Variants in LTBP2 observed in about 807,000 individuals in gnomAD.
LTBP2 encodes latent transforming growth factor beta binding protein 2.
In LTBP2, 103 loss-of-function variants were observed where a neutral mutation model predicts 210.6. That is an observed-to-expected ratio of 0.49 (90% CI 0.42 to 0.58). LTBP2 has a LOEUF of 0.58. Among genes scored for constraint, LTBP2 ranks in the 20% least tolerant of loss-of-function variants. The pLI is 0.00. For synonymous variants in LTBP2, 1,007 were observed against 1,015.0 expected (o/e 0.99, Z 0.15); for missense variants, 2,313 against 2,494.5 (o/e 0.93, Z 1.55).
At position 74,603,657 on chromosome 14, in the gene LTBP2, GT is replaced by G; in HGVS notation, c.542del (p.Asn181ThrfsTer99). ...GQCCPGWTTA[N>X]STNHCIKPVC... ...CACGTTTGATACAGTGGTTGGTGCT[GT>G]TTGCTGTTGTCCATCCTGGGCAGCA... On this transcript the variant is annotated frameshift_variant, in exon 2 of 36. Transcript: ENST00000261978. LOFTEE classifies it high-confidence loss of function. 1 of 1,614,222 alleles carries G rather than the reference GT, an allele frequency of 6.2e-7. No individual in the cohort carries two copies. Among genetic ancestry groups the G allele is most frequent in the Non-Finnish European group, 8.5e-7 (1 of 1,180,044 alleles).
chr14:74,566,091 T>A (rs1348050838), intron 3 of LTBP2, among the ~76,000 whole-genome samples: 1 of 152,184 alleles, frequency 6.6e-6, no homozygotes, highest in African/African-American at 2.4e-5. Context: ...TAATTTTTTT[T>A]ATGCATACAT....
chr14:74,602,112 G>A (rs1284569545), intron 2 of LTBP2, among the ~76,000 whole-genome samples: 1 of 152,200 alleles, frequency 6.6e-6, no homozygotes, highest in Non-Finnish European at 1.5e-5. Flanking sequence ...TCCAGGCCTC[G>A]CTGGTGTCGG....
At chr14:74,540,857 T>TAA (rs1181757867) in intron 8 of LTBP2, among the ~76,000 whole-genome samples, 6,954 of 71,790 alleles carry the variant, frequency 0.097, 348 homozygotes, top group Non-Finnish European at 0.17. Flanking sequence ...ATTATATATA[T>TAA]TATATATATT....
intron 3 of LTBP2, among the ~76,000 whole-genome samples, chr14:74,573,837 G>A (rs899597107): frequency 1.3e-5 from 2 of 152,128 alleles, no homozygotes; most frequent in Admixed American, 6.5e-5. Context: ...ACATTCCTTT[G>A]TGTTATTCTG....
At chr14:74,502,572 C>T in intron 34 of LTBP2, 81 bp downstream of exon 34, 2 of 1,582,546 alleles carry the variant, frequency 1.3e-6, no homozygotes, top group Non-Finnish European at 1.7e-6. Context: ...ACCCTGCTGG[C>T]AATATGACTA....
intron 9 of LTBP2, among the ~76,000 whole-genome samples, chr14:74,533,684 C>T (rs1003808066): frequency 6.6e-6 from 1 of 152,162 alleles, no homozygotes; most frequent in African/African-American, 2.4e-5. Context: ...TGCACGCATC[C>T]CCCCGGAAAC....
intron 2 of LTBP2, among the ~76,000 whole-genome samples, chr14:74,592,890 C>T (rs1241469496): frequency 1.3e-5 from 2 of 152,146 alleles, no homozygotes; most frequent in South Asian, 2.1e-4. Flanking sequence ...GAAGCCTCCT[C>T]GCTTGCCAAT....
chr14:74,541,829 T>C (rs2087512508), intron 8 of LTBP2, among the ~76,000 whole-genome samples: 2 of 151,814 alleles, frequency 1.3e-5, no homozygotes, highest in African/African-American at 4.8e-5. Flanking sequence ...TGGTAAGTGC[T>C]CCACGATGTG....
chr14:74,590,334 C>T (rs1317873433), intron 2 of LTBP2, among the ~76,000 whole-genome samples: 5 of 152,338 alleles, frequency 3.3e-5, no homozygotes, highest in East Asian at 3.9e-4. Flanking sequence ...GACACCCGCA[C>T]GTGTATGTCT....
In LTBP2 at chr14:74,511,311, A is replaced by G; in HGVS notation, c.2962T>C (p.Ser988Pro). ...GTCPDGRCVN[S>P]PGSYTCLACE... ...GCCAGACAAGTGTAGGAGCCAGGGG[A>G]ATTGACGCATCTCCCATCAGGGCAG... Residue 988 changes from serine (S) to proline (P), a missense_variant, in exon 19 of 36, where the codon TCC becomes CCC. This residue lies in a region of LTBP2 where 1,867 missense variants were observed against 1,976.9 expected (regional missense o/e 0.94). Coordinates refer to ENST00000261978, the MANE Select transcript of LTBP2 (RefSeq NM_000428.3). 6.2e-7 allele frequency: 1 copy of G among 1,614,064 alleles called. No individual in the cohort carries two copies. The highest frequency in any genetic ancestry group is 8.5e-7 in the Non-Finnish European group (1 of 1,180,020).
Position 74,611,618 on chromosome 14 carries a change from C to A in LTBP2, c.327G>T (p.Ala109=). 3 of 1,560,214 alleles carry A rather than the reference C, an allele frequency of 1.9e-6. No individual in the cohort carries two copies. Among genetic ancestry groups the A allele is most frequent in the East Asian group, 2.3e-5 (1 of 42,568 alleles). ...GTGGCTGGACACGCCGCGACTGCTG[C>A]GCGCGGGACGGCCTCCTGGCCTCCG... ...TEAEARRPSR[A]QQSRRVQPPA... is the part of the protein sequence containing the mutation. Residue 109 remains alanine (A), a synonymous_variant, in exon 1 of 36, where the codon GCG becomes GCT. Transcript: ENST00000261978.
At chr14:74,601,750 C>T (rs1001578677) in intron 2 of LTBP2, among the ~76,000 whole-genome samples, 1 of 152,140 alleles carries the variant, frequency 6.6e-6, no homozygotes, top group Admixed American at 6.5e-5. Flanking sequence ...AGGACAACCA[C>T]GTTATCATAC....
At chr14:74,520,871 A>G (rs998778629) in intron 17 of LTBP2, among the ~76,000 whole-genome samples, 1 of 152,218 alleles carries the variant, frequency 6.6e-6, no homozygotes, top group Admixed American at 6.5e-5. Flanking sequence ...GAGTACCCGA[A>G]TAATCTCATA....
chr14:74,522,945 T>A (rs775418641), intron 15 of LTBP2, 27 bp from the exon 16 acceptor site: 1 of 1,606,718 alleles, frequency 6.2e-7, no homozygotes, highest in Non-Finnish European at 8.5e-7. Context: ...AAAACAGAGG[T>A]TATGGCAGGG....
At chr14:74,610,864 C>A (rs529289527) in intron 1 of LTBP2, among the ~76,000 whole-genome samples, 1 of 152,246 alleles carries the variant, frequency 6.6e-6, no homozygotes, top group African/African-American at 2.4e-5. Context: ...ACACGCTTCC[C>A]GCCCAAAGTA....
chr14:74,604,160 T>G (rs1326402353), intron 1 of LTBP2, among the ~76,000 whole-genome samples: 1 of 43,042 alleles, frequency 2.3e-5, no homozygotes, highest in Admixed American at 3.3e-4. Context: ...ACATTGCCTC[T>G]CACCAAAAAA....
chr14:74,513,705 A>C (rs778585423), intron 18 of LTBP2, among the ~76,000 whole-genome samples: 9 of 152,246 alleles, frequency 5.9e-5, no homozygotes, highest in Non-Finnish European at 8.8e-5. Context: ...CGGGAGGCTG[A>C]GGCAGGAGAA....
intron 18 of LTBP2, 71 bp downstream of exon 18, chr14:74,516,751 G>A: frequency 6.5e-7 from 1 of 1,540,006 alleles, no homozygotes; most frequent in Non-Finnish European, 8.8e-7. Flanking sequence ...CGTGTTGGTG[G>A]TGGGCAGTGC....
In LTBP2 at chr14:74,504,820, G is replaced by C; in HGVS notation, c.4411C>G (p.Pro1471Ala). The C allele has an allele frequency of 6.2e-7, 1 of 1,614,250 alleles. No homozygotes were observed. The highest frequency in any genetic ancestry group is 8.5e-7 in the Non-Finnish European group (1 of 1,180,034). Residue 1471 changes from proline (P) to alanine (A), a missense_variant, in exon 30 of 36, where the codon CCT becomes GCT. Pro to Ala is a conservative substitution (Grantham distance 27). Around this residue, in one of 3 missense-constraint regions of LTBP2, gnomAD observed 443 missense variants for 501.4 expected, o/e 0.88. Coordinates refer to ENST00000261978, the MANE Select transcript of LTBP2 (RefSeq NM_000428.3). ...EICPSGKGYI[P>A]VEGAWTFGQT... ...CCAAACGTCCAGGCTCCTTCCACAG[G>C]AATGTAGCCTTTTCCACTAGGGCAG...
Sources: allele counts gnomAD v4.1 joint callset (sites outside exome capture counted in the v4.1 genomes callset), GRCh38; gene constraint gnomAD v4.1.1; regional missense constraint gnomAD v4.1.1; transcripts MANE v1.5; gene names NCBI Gene and HGNC (gene_info 2026-07-23, HGNC 2026-07-21).